Variants in PRKG1 observed in about 807,000 individuals in gnomAD.
PRKG1 encodes protein kinase cGMP-dependent 1, also known as cGMP-dependent protein kinase 1.
A neutral mutation model predicts 88.1 loss-of-function variants in PRKG1; 35 were observed. The observed-to-expected ratio is 0.40, with a 90% CI of 0.30 to 0.53. The LOEUF (loss-of-function observed/expected upper bound fraction) is 0.53. Among genes scored for constraint, PRKG1 ranks in the 20% least tolerant of loss-of-function variants. PRKG1 has a pLI of 0.59. For synonymous variants in PRKG1, 303 were observed against 292.5 expected, an observed-to-expected ratio of 1.04 and a Z score of -0.37; for missense variants, 540 against 839.8, an observed-to-expected ratio of 0.64 and a Z score of 4.41.
chr10:51,759,400 G>T (rs957224982), intron 3 of PRKG1, among the ~76,000 whole-genome samples: 2 of 151,984 alleles, frequency 1.3e-5, no homozygotes, highest in African/African-American at 4.8e-5. Flanking sequence ...CCAAGTAGCT[G>T]GGACTACAGG....
At chr10:51,426,090 A>G (rs1838573795) in intron 2 of PRKG1, among the ~76,000 whole-genome samples, 1 of 152,170 alleles carries the variant, frequency 6.6e-6, no homozygotes, top group South Asian at 2.1e-4. Flanking sequence ...AGCCTGGCTA[A>G]CATGGTGAAA....
intron 9 of PRKG1, among the ~76,000 whole-genome samples, chr10:52,248,091 G>A (rs1261984700): frequency 1.3e-5 from 2 of 152,212 alleles, no homozygotes; most frequent in East Asian, 1.9e-4. Context: ...GGCATAAATC[G>A]CTCATGCTAT....
chr10:51,505,306 T>A (rs1246220942), intron 3 of PRKG1, among the ~76,000 whole-genome samples: 1 of 152,322 alleles, frequency 6.6e-6, no homozygotes, highest in African/African-American at 2.4e-5. Context: ...CAGCCTTGCA[T>A]CCCAGGGATG....
chr10:51,045,807 A>G (rs567473146), intron 1 of PRKG1, among the ~76,000 whole-genome samples: 24 of 152,358 alleles, frequency 1.6e-4, no homozygotes, highest in Non-Finnish European at 3.2e-4. Context: ...TCTTCATTAA[A>G]TCACTTAACC....
chr10:51,205,127 C>CTTTCTTTCTTTTTTTTTTT (rs1433048297), intron 2 of PRKG1, among the ~76,000 whole-genome samples: 3 of 64,030 alleles, frequency 4.7e-5, no homozygotes, highest in African/African-American at 1.7e-4. Context: ...ATTTTCTTTT[C>CTTTCTTTCTTTTTTTTTTT]TTTTTTTTTT....
chr10:51,180,187 CTG>C (rs1837307738), intron 2 of PRKG1, among the ~76,000 whole-genome samples: 1 of 152,216 alleles, frequency 6.6e-6, no homozygotes. Flanking sequence ...CACTCACGGA[CTG>C]TCTCTCTGAG....
At chr10:52,146,085 T>C (rs1474123728) in intron 8 of PRKG1, among the ~76,000 whole-genome samples, 1 of 152,194 alleles carries the variant, frequency 6.6e-6, no homozygotes, top group East Asian at 1.9e-4. Flanking sequence ...GACAGTACAT[T>C]GTCATCTAGA....
At chr10:51,650,571 G>A (rs530550224) in intron 3 of PRKG1, among the ~76,000 whole-genome samples, 1 of 152,240 alleles carries the variant, frequency 6.6e-6, no homozygotes, top group Admixed American at 6.5e-5. Context: ...TTAATGTATT[G>A]TAATTGAAAC....
chr10:51,701,041 C>T (rs59554568), intron 3 of PRKG1, among the ~76,000 whole-genome samples: 14,517 of 151,396 alleles, frequency 0.096, 847 homozygotes, highest in African/African-American at 0.16. Flanking sequence ...TAAAAATAGC[C>T]CATCAATTTT....
chr10:52,063,564 A>T (rs1484106342), intron 7 of PRKG1, among the ~76,000 whole-genome samples: 1 of 152,218 alleles, frequency 6.6e-6, no homozygotes, highest in Admixed American at 6.5e-5. Flanking sequence ...CTCACCATTC[A>T]GTGGTTCCCG....
chr10:52,184,433 A>G (rs1208935596), intron 9 of PRKG1, among the ~76,000 whole-genome samples: 1 of 152,236 alleles, frequency 6.6e-6, no homozygotes, highest in Admixed American at 6.5e-5. Flanking sequence ...ACCAGTGTTT[A>G]TCAAATTATA....
At chr10:52,029,094 C>T (rs1845415781) in intron 5 of PRKG1, among the ~76,000 whole-genome samples, 1 of 152,184 alleles carries the variant, frequency 6.6e-6, no homozygotes, top group Non-Finnish European at 1.5e-5. Context: ...TAGTTTTCTA[C>T]TGGGCTGCTA....
In PRKG1 at chr10:51,534,664, CT is replaced by C. The variant is rs1842100025; in HGVS notation, c.592+66829del. ...CCTGGGCAACAGAGCGAGACTCTGTCTCAAAAAAAAAAAAAAAAGAAAGAAA... is the reference window on the plus strand; with the variant it reads ...CCTGGGCAACAGAGCGAGACTCTGTCCAAAAAAAAAAAAAAAAGAAAGAAA... On this transcript the variant is annotated intron_variant, in intron 3 of 17. Transcript: ENST00000373980. Among the ~76,000 whole-genome samples the C allele has an allele frequency of 1.2e-4, 5 of 40,290 alleles. No individual in the cohort carries two copies. In the South Asian group the frequency reaches 2.8e-3, roughly 23 times the overall value. 26.4% of individuals were successfully genotyped at this position (40,290 alleles called of 152,430 possible).
chr10:52,046,297 C>T (rs185601758), intron 5 of PRKG1, among the ~76,000 whole-genome samples: 1 of 152,190 alleles, frequency 6.6e-6, no homozygotes, highest in Admixed American at 6.6e-5. Flanking sequence ...TACATGCACT[C>T]ATCATCTGAG....
chr10:52,266,268 TAGGTAAAC>T (rs962809909), intron 10 of PRKG1, among the ~76,000 whole-genome samples: 1 of 151,836 alleles, frequency 6.6e-6, no homozygotes, highest in Non-Finnish European at 1.5e-5. Flanking sequence ...GTTTGTTACA[TAGGTAAAC>T]ATGTACCATG....
intron 5 of PRKG1, among the ~76,000 whole-genome samples, chr10:52,021,090 CAG>C (rs1318753352): frequency 6.6e-6 from 1 of 152,128 alleles, no homozygotes; most frequent in African/African-American, 2.4e-5. Flanking sequence ...AAGCAACACT[CAG>C]AACATGTTTT....
At chr10:51,765,179 G>A (rs1050509528) in intron 3 of PRKG1, among the ~76,000 whole-genome samples, 5 of 152,098 alleles carry the variant, frequency 3.3e-5, no homozygotes, top group Non-Finnish European at 7.4e-5. Context: ...CTTTTAGAGG[G>A]TATACCTTAA....
chr10:52,224,808 C>CATATATATATATATATATATATAT lies in PRKG1; in HGVS notation c.1077-26754_1077-26731dup, dbSNP rs71032630. Among the ~76,000 whole-genome samples, 361 of 106,176 alleles carry CATATATATATATATATATATATAT rather than the reference C, an allele frequency of 3.4e-3. 1 individual carries two copies. Among genetic ancestry groups the CATATATATATATATATATATATAT allele is most frequent in the Middle Eastern group, 4.4e-3 (1 of 226 alleles). The allele number at this position is 106,176 out of a possible 152,430, so 69.7% of individuals were successfully genotyped here. A position where few individuals can be genotyped will look rare whatever the true frequency, so the allele number is the denominator to read the frequency against. ...TTTTTATGGCTGCATAGTATTCCAT[C>CATATATATATATATATATATATAT]ATATATATATATATATATATATATA... is the stretch of plus-strand genomic sequence containing the variant. On this transcript the variant is annotated intron_variant, in intron 9 of 17. Transcript: ENST00000373980.
chr10:52,216,474 A>T (rs1840113780), intron 9 of PRKG1, among the ~76,000 whole-genome samples: 1 of 152,216 alleles, frequency 6.6e-6, no homozygotes, highest in Non-Finnish European at 1.5e-5. Flanking sequence ...CTTTAATTGA[A>T]TAGTCAGAGT....
Sources: allele counts gnomAD v4.1 joint callset (sites outside exome capture counted in the v4.1 genomes callset), GRCh38; gene constraint gnomAD v4.1.1; transcripts MANE v1.5; gene names NCBI Gene and HGNC (gene_info 2026-07-23, HGNC 2026-07-21).